Variants in SLC24A4 observed in about 807,000 individuals in gnomAD.
SLC24A4 encodes the protein sodium/potassium/calcium exchanger 4.
SLC24A4 carries 53 observed loss-of-function variants against 79.0 expected under a neutral mutation model. The ratio of observed to expected loss-of-function variants is 0.67; its 90% CI spans 0.54 to 0.84. The LOEUF is 0.84. Among genes scored for constraint, SLC24A4 ranks in the 40% least tolerant of loss-of-function variants. The probability of loss-of-function intolerance (pLI) is 0.00; values close to 1 mark genes in which losing one functional copy is unlikely to be tolerated. For synonymous variants in SLC24A4, 323 were observed against 323.8 expected (o/e 1.00, Z 0.03); for missense variants, 731 against 822.0 (o/e 0.89, Z 1.35).
intron 6 of SLC24A4, 127 bp from the exon 7 acceptor site, chr14:92,443,273 G>A (rs1892603936): frequency 2.2e-5 from 18 of 812,432 alleles, no homozygotes; most frequent in Admixed American, 8.2e-5. Flanking sequence ...AAGAACAAGC[G>A]TGGCCTGGAG....
At chr14:92,474,425 C>T (rs1251250461) in intron 12 of SLC24A4, among the ~76,000 whole-genome samples, 1 of 152,074 alleles carries the variant, frequency 6.6e-6, no homozygotes, top group African/African-American at 2.4e-5. Context: ...AAGTGACTTT[C>T]TTCCAAGCCA....
At chr14:92,492,748 A>C in intron 16 of SLC24A4, 2 of 418,100 alleles carry the variant, frequency 4.8e-6, no homozygotes, top group South Asian at 3.3e-5. Context: ...TCCCAAGGTC[A>C]CAGAATTGGG....
At chr14:92,483,692 C>A in intron 13 of SLC24A4, 1 of 1,267,700 alleles carries the variant, frequency 7.9e-7, no homozygotes, top group Non-Finnish European at 1.0e-6. Flanking sequence ...CTGTATACCA[C>A]CTAATGGGGT....
rs950655611 is a variant in SLC24A4 at position 92,398,670 on chromosome 14, G to C, written c.242-35242G>C. Among the ~76,000 whole-genome samples, 2 of 152,110 alleles carry C rather than the reference G, an allele frequency of 1.3e-5. No individual in the cohort carries two copies. Among genetic ancestry groups the C allele is most frequent in the South Asian group, 4.1e-4 (2 of 4,832 alleles). ...ATGGCTCAGAACATACCCCTTCCTC[G>C]TGTTAGCCAAAGCGAGAAGGGGGGT... is the stretch of plus-strand genomic sequence containing the variant. On this transcript the variant is annotated intron_variant, in intron 2 of 16. Transcript: ENST00000532405. This position sits in a 1 kb window ranked among gnomAD's most constrained non-coding sequence, Gnocchi z 4.1.
At chr14:92,477,795 T>C (rs1894853190) in intron 12 of SLC24A4, among the ~76,000 whole-genome samples, 1 of 150,986 alleles carries the variant, frequency 6.6e-6, no homozygotes, top group African/African-American at 2.4e-5. Context: ...TTTTTTTTTT[T>C]TTTTTGAGAC....
chr14:92,464,820 G>A (rs8019291), intron 12 of SLC24A4, among the ~76,000 whole-genome samples: 1 of 152,134 alleles, frequency 6.6e-6, no homozygotes, highest in African/African-American at 2.4e-5. Flanking sequence ...AAGAAAAGCA[G>A]TGAAGCCATC....
intron 12 of SLC24A4, among the ~76,000 whole-genome samples, chr14:92,467,549 T>C (rs11160069): frequency 0.7 from 106,879 of 152,042 alleles, 38,101 homozygotes; most frequent in Non-Finnish European, 0.76. Context: ...TCTTATATTC[T>C]AAGGTGGGAA....
intron 2 of SLC24A4, among the ~76,000 whole-genome samples, chr14:92,334,751 G>A (rs1461617887): frequency 6.6e-6 from 1 of 152,098 alleles, no homozygotes; most frequent in Admixed American, 6.5e-5. Flanking sequence ...TAAGCATCAG[G>A]ATTTCTCTTT....
chr14:92,430,340 G>A (rs113277223), intron 2 of SLC24A4, among the ~76,000 whole-genome samples: 143 of 152,348 alleles, frequency 9.4e-4, no homozygotes, highest in African/African-American at 3.2e-3. Context: ...GTTGGTGAAA[G>A]TTTGGATCCC....
At chr14:92,387,202 A>G (rs1889212764) in intron 2 of SLC24A4, among the ~76,000 whole-genome samples, 2 of 144,064 alleles carry the variant, frequency 1.4e-5, no homozygotes, top group African/African-American at 5.5e-5. Context: ...TTTGAGATGG[A>G]GTCTCGCTGT....
chr14:92,435,275 C>G (rs751183613), intron 3 of SLC24A4, among the ~76,000 whole-genome samples: 14 of 152,208 alleles, frequency 9.2e-5, no homozygotes, highest in Non-Finnish European at 1.8e-4. Context: ...ACAAGTCACT[C>G]TCTGTGCTGG....
chr14:92,347,429 A>G (rs1236050652), intron 2 of SLC24A4, among the ~76,000 whole-genome samples: 3 of 152,232 alleles, frequency 2.0e-5, no homozygotes, highest in Admixed American at 1.3e-4. Context: ...GCATTTTATT[A>G]GGTAGTGAGA....
rs368542403 is a variant in SLC24A4 at position 92,484,909 on chromosome 14, T to G, written c.1423-1757T>G. The stretch of plus-strand genomic sequence containing the variant: ...AATACACAGTTTGGCCACTGAGTAG[T>G]GTGATTTCTTATAGTGCCCTTCTTG... On this transcript the variant is annotated intron_variant, in intron 13 of 16. Coordinates refer to ENST00000532405, the MANE Select transcript of SLC24A4 (RefSeq NM_153646.4). 7.6e-5 allele frequency: 75 copies of G among 984,220 alleles called. 1 individual carries two copies. The highest frequency in any genetic ancestry group is 4.4e-4 in the African/African-American group (25 of 57,358). The allele number at this position is 984,220 out of a possible 1,614,324, so 61.0% of individuals were successfully genotyped here.
intron 2 of SLC24A4, among the ~76,000 whole-genome samples, chr14:92,383,645 G>C (rs1361072395): frequency 6.6e-6 from 1 of 152,138 alleles, no homozygotes; most frequent in East Asian, 1.9e-4. Flanking sequence ...ACTTGCTGAG[G>C]GCAGAGAGAG....
intron 2 of SLC24A4, among the ~76,000 whole-genome samples, chr14:92,429,730 G>A (rs1891760778): frequency 6.6e-6 from 1 of 152,190 alleles, no homozygotes; most frequent in African/African-American, 2.4e-5. Flanking sequence ...TATTAGTTGG[G>A]CTTCCAAGCT....
chr14:92,493,922 C>A lies in SLC24A4; in HGVS notation c.*294C>A. The A allele has an allele frequency of 2.6e-6, 1 of 385,100 alleles. No homozygotes were observed. The allele number at this position is 385,100 out of a possible 1,614,324, so 23.9% of individuals were successfully genotyped here. A position where few individuals can be genotyped will look rare whatever the true frequency, so the allele number is the denominator to read the frequency against. On this transcript the variant is annotated 3_prime_UTR_variant, in exon 17 of 17. Transcript: ENST00000532405. ...GAGATGTGCCAAGCATCTCATCTCT[C>A]CTGCACACTTTAGTCAGAAGGACTT...
At chr14:92,426,108 C>A (rs1372421877) in intron 2 of SLC24A4, among the ~76,000 whole-genome samples, 1 of 152,034 alleles carries the variant, frequency 6.6e-6, no homozygotes, top group Non-Finnish European at 1.5e-5. Context: ...AGGATGAGGT[C>A]ATAAATATGG....
intron 11 of SLC24A4, among the ~76,000 whole-genome samples, chr14:92,455,668 T>C (rs1441268089): frequency 6.6e-6 from 1 of 152,216 alleles, no homozygotes; most frequent in Non-Finnish European, 1.5e-5. Flanking sequence ...GCTGGAAATG[T>C]TATACATCTT....
chr14:92,386,883 G>A (rs1283988975), intron 2 of SLC24A4, among the ~76,000 whole-genome samples: 4 of 152,130 alleles, frequency 2.6e-5, no homozygotes, highest in East Asian at 1.9e-4. Context: ...TGAAATTTCC[G>A]GTCAAGGGAG....
Sources: gnomAD v4.1 joint callset for allele counts (sites outside exome capture counted in the v4.1 genomes callset) on GRCh38, gnomAD v4.1.1 for gene constraint, Gnocchi (gnomAD v3.1) non-coding constraint, MANE v1.5 for transcripts, NCBI Gene and HGNC (gene_info 2026-07-23, HGNC 2026-07-21) for gene names.